Variants in RBMS1 observed in about 807,000 individuals in gnomAD.
RBMS1 encodes the protein RNA binding motif single stranded interacting protein 1.
RBMS1 carries 17 observed loss-of-function variants against 62.3 expected under a neutral mutation model. The observed-to-expected ratio is 0.27, with a 90% CI of 0.19 to 0.41. The LOEUF is 0.41. Among genes scored for constraint, RBMS1 ranks in the 10% least tolerant of loss-of-function variants. The probability of loss-of-function intolerance (pLI) is 1.00; values close to 1 mark genes in which losing one functional copy is unlikely to be tolerated. For synonymous variants in RBMS1, 172 were observed against 170.0 expected (o/e 1.01, Z -0.09); for missense variants, 334 against 504.5 (o/e 0.66, Z 3.24).
intron 1 of RBMS1, among the ~76,000 whole-genome samples, chr2:160,413,394 C>T (rs1056938720): frequency 1.3e-5 from 2 of 152,122 alleles, no homozygotes; most frequent in African/African-American, 2.4e-5. Context: ...GTTCTTTCCT[C>T]GTACAAAATA....
chr2:160,383,151 A>G (rs1238986874), intron 1 of RBMS1, among the ~76,000 whole-genome samples: 1 of 152,212 alleles, frequency 6.6e-6, no homozygotes. Flanking sequence ...TCAGGAAAAC[A>G]GAAGTCTGCA....
chr2:160,385,171 A>G (rs1694501648), intron 1 of RBMS1, among the ~76,000 whole-genome samples: 1 of 152,150 alleles, frequency 6.6e-6, no homozygotes, highest in Non-Finnish European at 1.5e-5. Context: ...CCAGCCTTGG[A>G]TATTTCTTTA....
chr2:160,392,764 T>G (rs1384288998), intron 1 of RBMS1, among the ~76,000 whole-genome samples: 1 of 152,100 alleles, frequency 6.6e-6, no homozygotes, highest in African/African-American at 2.4e-5. Flanking sequence ...TGGTGGTGTG[T>G]GCCTGCGGTC....
At chr2:160,322,124 TA>T (rs761175424) in intron 2 of RBMS1, among the ~76,000 whole-genome samples, 4 of 152,224 alleles carry the variant, frequency 2.6e-5, no homozygotes, top group Non-Finnish European at 4.4e-5. Flanking sequence ...TGTATGCTTT[TA>T]TTTAATTAAC....
At chr2:160,348,185 C>A (rs1346946107) in intron 2 of RBMS1, among the ~76,000 whole-genome samples, 1 of 151,926 alleles carries the variant, frequency 6.6e-6, no homozygotes, top group African/African-American at 2.4e-5. Flanking sequence ...ATTTATTTTC[C>A]CAAAAGAGTA....
intron 2 of RBMS1, among the ~76,000 whole-genome samples, chr2:160,361,343 C>T (rs899550069): frequency 5.9e-5 from 9 of 152,230 alleles, no homozygotes; most frequent in South Asian, 2.1e-4. Context: ...AAATCTTGCA[C>T]ACCTATGCTA....
At chr2:160,417,418 A>G (rs536076571) in intron 1 of RBMS1, among the ~76,000 whole-genome samples, 1 of 152,354 alleles carries the variant, frequency 6.6e-6, no homozygotes, top group South Asian at 2.1e-4. Context: ...CTATGACCAA[A>G]TAGTTTCTCT....
rs550099862 is a variant in RBMS1 at position 160,450,259 on chromosome 2, T to C, written c.75+43030A>G. The stretch of plus-strand genomic sequence containing the variant: ...ACGCAGGTACTAACCTTGCACCCAT[T>C]GGCCAGGTGCTGTGGCTCACACCTG... On this transcript the variant is annotated intron_variant, in intron 1 of 13. Coordinates refer to ENST00000348849, the MANE Select transcript of RBMS1 (RefSeq NM_016836.4). Among the ~76,000 whole-genome samples, 267 of 152,246 alleles carry C rather than the reference T, an allele frequency of 1.8e-3. 1 individual carries two copies. The highest frequency in any genetic ancestry group is 6.2e-3 in the African/African-American group (257 of 41,532).
chr2:160,439,767 T>A (rs1683318788), intron 1 of RBMS1, among the ~76,000 whole-genome samples: 1 of 152,200 alleles, frequency 6.6e-6, no homozygotes, highest in Admixed American at 6.5e-5. Context: ...TGGGCACCAC[T>A]GAGCACTGAG....
At chr2:160,476,302 C>G (rs975569704) in intron 1 of RBMS1, among the ~76,000 whole-genome samples, 3 of 152,108 alleles carry the variant, frequency 2.0e-5, no homozygotes, top group Non-Finnish European at 4.4e-5. Flanking sequence ...ACACTATGAG[C>G]AAGTCTCATA....
At chr2:160,303,543 G>A in intron 4 of RBMS1, 56 bp from the exon 5 acceptor site, 1 of 1,521,976 alleles carries the variant, frequency 6.6e-7, no homozygotes, top group South Asian at 1.2e-5. Context: ...AGATATTTAT[G>A]TTAACACACC....
rs1357893733 is a variant in RBMS1 at position 160,367,364 on chromosome 2, C to T, written c.103G>A (p.Ala35Thr). 2 of 1,613,860 alleles carry T rather than the reference C, an allele frequency of 1.2e-6. No homozygotes were observed. Among genetic ancestry groups the T allele is most frequent in the East Asian group, 2.2e-5 (1 of 44,868 alleles). The change falls in exon 2 of 14, where the codon GCC (alanine) becomes ACC (threonine). Residue 35 changes from alanine to threonine, a missense_variant. Ala to Thr is a moderately conservative substitution (Grantham distance 58). Coordinates refer to ENST00000348849, the MANE Select transcript of RBMS1 (RefSeq NM_016836.4). ...KQSLVPAHPM[A>T]PPSPSTTSSN... ...CTGGTGGTGCTGGGACTGGGAGGGG[C>T]CATGGGGTGGGCTGGGACCAGAGAC... is the stretch of plus-strand genomic sequence containing the variant.
chr2:160,401,601 T>C (rs1695425302), intron 1 of RBMS1, among the ~76,000 whole-genome samples: 2 of 152,180 alleles, frequency 1.3e-5, no homozygotes, highest in Non-Finnish European at 2.9e-5. Flanking sequence ...AAAAAAAATG[T>C]TTATTTTTCT....
chr2:160,345,960 A>G (rs1332986331), intron 2 of RBMS1, among the ~76,000 whole-genome samples: 1 of 152,108 alleles, frequency 6.6e-6, no homozygotes, highest in Admixed American at 6.6e-5. Context: ...TTCAGAGTGA[A>G]GGAGCGTTAG....
At chr2:160,294,366 T>C (rs1189638284) in intron 6 of RBMS1, among the ~76,000 whole-genome samples, 1 of 152,196 alleles carries the variant, frequency 6.6e-6, no homozygotes, top group Admixed American at 6.5e-5. Context: ...TTTACAAAAC[T>C]GTAACCATGT....
chr2:160,297,589 C>T (rs879767134), intron 6 of RBMS1, among the ~76,000 whole-genome samples: 3 of 152,240 alleles, frequency 2.0e-5, no homozygotes, highest in Admixed American at 6.5e-5. Flanking sequence ...TGCCACAGCA[C>T]ACACGGAGGT....
intron 1 of RBMS1, among the ~76,000 whole-genome samples, chr2:160,458,796 C>CA (rs72225066): frequency 0.38 from 48,305 of 126,024 alleles, 8,307 homozygotes; most frequent in African/African-American, 0.46. Flanking sequence ...AACTCTGTCT[C>CA]AAAAAAAAAA....
At chr2:160,305,111 C>G (rs1156878573) in intron 4 of RBMS1, among the ~76,000 whole-genome samples, 1 of 152,144 alleles carries the variant, frequency 6.6e-6, no homozygotes, top group African/African-American at 2.4e-5. Flanking sequence ...CCTTGGCCTC[C>G]CAAAGTGCTG....
intron 7 of RBMS1, among the ~76,000 whole-genome samples, 177 bp from the exon 8 acceptor site, chr2:160,285,221 T>C (rs972797413): frequency 2.0e-5 from 3 of 151,868 alleles, no homozygotes; most frequent in Admixed American, 6.6e-5. Context: ...ATTACATCAC[T>C]GCACTCCAGC....
Sources: gnomAD v4.1 joint callset for allele counts (sites outside exome capture counted in the v4.1 genomes callset) on GRCh38, gnomAD v4.1.1 for gene constraint, MANE v1.5 for transcripts, NCBI Gene and HGNC (gene_info 2026-07-23, HGNC 2026-07-21) for gene names.